The following SLC31A1 variants were observed in gnomAD, a reference collection of about 807,000 sequenced individuals.
SLC31A1 encodes high affinity copper uptake protein 1.
SLC31A1 carries 5 observed loss-of-function variants against 17.2 expected under a neutral mutation model. The observed-to-expected ratio is 0.29, with a 90% CI of 0.15 to 0.61. The LOEUF is 0.61. SLC31A1 is among the 20% of genes least tolerant of loss of function. The pLI is 0.86. For missense variants in SLC31A1, 161 were observed against 241.4 expected, an observed-to-expected ratio of 0.67 and a Z score of 2.21; for synonymous variants, 76 against 78.8, an observed-to-expected ratio of 0.96 and a Z score of 0.19.
At chr9:113,257,984 A>G (rs1266110956) in intron 3 of SLC31A1, among the ~76,000 whole-genome samples, 1 of 152,250 alleles carries the variant, frequency 6.6e-6, no homozygotes, top group Non-Finnish European at 1.5e-5. Context: ...CAGACCTTCT[A>G]GAGCTACCTA....
chr9:113,224,787 C>CTAGAAA (rs1300679091), intron 1 of SLC31A1, among the ~76,000 whole-genome samples: 1 of 152,226 alleles, frequency 6.6e-6, no homozygotes, highest in Non-Finnish European at 1.5e-5. Context: ...TTAGAAATAA[C>CTAGAAA]TACTAGAGAG....
intron 1 of SLC31A1, among the ~76,000 whole-genome samples, chr9:113,224,984 G>T (rs1379597442): frequency 2.0e-5 from 3 of 152,204 alleles, no homozygotes; most frequent in Admixed American, 1.3e-4. Flanking sequence ...TTAGAACAGT[G>T]CCTGGCAGGT....
chr9:113,260,084 G>A (rs1283840403), intron 4 of SLC31A1, among the ~76,000 whole-genome samples, 188 bp from the exon 5 acceptor site: 1 of 152,146 alleles, frequency 6.6e-6, no homozygotes, highest in African/African-American at 2.4e-5. Flanking sequence ...TCTGGCCAAT[G>A]TTTATAAGCC....
intron 1 of SLC31A1, among the ~76,000 whole-genome samples, chr9:113,235,056 G>A (rs1018757587): frequency 1.3e-5 from 2 of 152,170 alleles, no homozygotes; most frequent in Admixed American, 6.5e-5. Context: ...GAAAAGGGAA[G>A]CCACAGACTG....
intron 1 of SLC31A1, among the ~76,000 whole-genome samples, chr9:113,253,144 C>T (rs371671047): frequency 2.0e-4 from 31 of 151,942 alleles, no homozygotes; most frequent in South Asian, 6.2e-4. Context: ...TTAGTAGAGA[C>T]GGGGTTTCAC....
chr9:113,245,897 G>GA (rs1831572694), intron 1 of SLC31A1, among the ~76,000 whole-genome samples: 1 of 151,848 alleles, frequency 6.6e-6, no homozygotes, highest in South Asian at 2.1e-4. Context: ...GCCTCCCAAA[G>GA]GGTTAGGATT....
Position 113,258,655 on chromosome 9 carries a change from AT to A in SLC31A1, c.203-38del, listed in dbSNP as rs760116114. The A allele has an allele frequency of 1.1e-5, 18 of 1,611,416 alleles. No homozygotes were observed. The South Asian group carries it at 1.5e-4, about 14-fold the overall frequency. ...AGCACATTGGCTAATGATTTTGCAC[AT>A]GTTTGACAGTACCTCCATATTTTCC... On this transcript the variant is annotated intron_variant, in intron 3 of 4. Coordinates refer to ENST00000374212, the MANE Select transcript of SLC31A1 (RefSeq NM_001859.4). The surrounding 1 kb of genome is among the most constrained non-coding windows in gnomAD (Gnocchi z 4.8).
Position 113,260,272 on chromosome 9 carries a change from G to T in SLC31A1, c.372G>T (p.Gly124=). The T allele has an allele frequency of 6.2e-7, 1 of 1,613,612 alleles. No individual in the cohort carries two copies. Among genetic ancestry groups the T allele is most frequent in the Non-Finnish European group, 8.5e-7 (1 of 1,179,646 alleles). ...TGTTGTGTCCCTGTTTACTCTCCAG[G>T]CAACAGATGCTGAGCTTTCCTCACC... ...TILMETHKTV[G]QQMLSFPHLL... Residue 124 remains glycine (G), a splice_region_variant and synonymous_variant, in exon 5 of 5, where the codon GGG becomes GGT. Transcript: ENST00000374212.
intron 1 of SLC31A1, among the ~76,000 whole-genome samples, chr9:113,245,133 G>A (rs566366232): frequency 3.3e-5 from 5 of 152,270 alleles, no homozygotes; most frequent in African/African-American, 1.2e-4. Context: ...CCTCAAGAAA[G>A]ACATAGGCAA....
intron 1 of SLC31A1, among the ~76,000 whole-genome samples, chr9:113,222,951 A>G (rs182691082): frequency 3.8e-3 from 581 of 152,338 alleles, no homozygotes; most frequent in Non-Finnish European, 4.8e-3. Flanking sequence ...CCCCTGGCTT[A>G]CATTATCTAT....
intron 1 of SLC31A1, among the ~76,000 whole-genome samples, chr9:113,222,537 T>C (rs1265333549): frequency 5.3e-5 from 8 of 152,222 alleles, no homozygotes; most frequent in Non-Finnish European, 1.0e-4. Flanking sequence ...GTCCACAGAC[T>C]CACTGGAGTT....
intron 1 of SLC31A1, among the ~76,000 whole-genome samples, chr9:113,224,981 A>G (rs1404434690): frequency 6.6e-6 from 1 of 152,240 alleles, no homozygotes; most frequent in African/African-American, 2.4e-5. Flanking sequence ...CATTTAGAAC[A>G]GTGCCTGGCA....
At chr9:113,234,480 A>ATTTTTTTTTTT (rs869088669) in intron 1 of SLC31A1, among the ~76,000 whole-genome samples, 1 of 60,248 alleles carries the variant, frequency 1.7e-5, no homozygotes, top group Admixed American at 2.1e-4. Flanking sequence ...CCTGGCCATC[A>ATTTTTTTTTTT]TTTTTTTTTT....
intron 1 of SLC31A1, among the ~76,000 whole-genome samples, chr9:113,229,294 G>T (rs978217478): frequency 2.9e-4 from 44 of 152,258 alleles, no homozygotes; most frequent in African/African-American, 1.0e-3. Flanking sequence ...TGCCTCCCAG[G>T]CTCAACCAAC....
chr9:113,253,571 T>TC (rs1564217546), intron 1 of SLC31A1, among the ~76,000 whole-genome samples: 2 of 147,288 alleles, frequency 1.4e-5, no homozygotes, highest in African/African-American at 2.6e-5. Context: ...TTTTTTTTTT[T>TC]TGAAATGGAG....
At chr9:113,227,053 G>A (rs1186602932) in intron 1 of SLC31A1, among the ~76,000 whole-genome samples, 1 of 152,002 alleles carries the variant, frequency 6.6e-6, no homozygotes, top group East Asian at 1.9e-4. Flanking sequence ...TATGGTTAGA[G>A]TTTCATCATG....
intron 1 of SLC31A1, 76 bp from the exon 2 acceptor site, chr9:113,256,038 C>T (rs1831723213): frequency 6.3e-6 from 7 of 1,118,244 alleles, no homozygotes; most frequent in Non-Finnish European, 8.9e-6. Flanking sequence ...TAGCAAGATT[C>T]CATCTCTAAA....
rs1831723795 is a variant in SLC31A1, at chr9:113,256,097, A to T, written c.-35-17A>T. 8 of 1,568,122 alleles carry T rather than the reference A, an allele frequency of 5.1e-6. No individual in the cohort carries two copies. In the African/African-American group the frequency reaches 9.5e-5, roughly 19 times the overall value. On this transcript the variant is annotated splice_polypyrimidine_tract_variant and intron_variant, in intron 1 of 4. Coordinates refer to ENST00000374212, the MANE Select transcript of SLC31A1 (RefSeq NM_001859.4). Reference sequence around the variant, plus strand: ...TTATATCCTTAAATTATTATATATAATTCTTTCTCTTAAAAGAATCTTCTG... The same window carrying T: ...TTATATCCTTAAATTATTATATATATTTCTTTCTCTTAAAAGAATCTTCTG...
At position 113,260,883 on chromosome 9, in the gene SLC31A1, AAGGGGTTAACTTCAGCC is replaced by A; in HGVS notation, c.*414_*430del. 3.2e-6 allele frequency: 1 copy of A among 313,696 alleles called. No homozygotes were observed. The highest frequency in any genetic ancestry group is 6.2e-6 in the Non-Finnish European group (1 of 160,920). The allele number at this position is 313,696 out of a possible 1,614,324, so 19.4% of individuals were successfully genotyped here. A position where few individuals can be genotyped will look rare whatever the true frequency, so the allele number is the denominator to read the frequency against. ...TTTTTTCCCCTGGGTCAGTGATGGAAAGGGGTTAACTTCAGCCAGGATTGATGGCAGCTGAGGGAAAT... is the reference window on the plus strand; with the variant it reads ...TTTTTTCCCCTGGGTCAGTGATGGAAAGGATTGATGGCAGCTGAGGGAAAT... On this transcript the variant is annotated 3_prime_UTR_variant, in exon 5 of 5. Transcript: ENST00000374212.
Sources: allele counts gnomAD v4.1 joint callset (sites outside exome capture counted in the v4.1 genomes callset), GRCh38; gene constraint gnomAD v4.1.1; non-coding constraint Gnocchi (gnomAD v3.1); transcripts MANE v1.5; gene names NCBI Gene and HGNC (gene_info 2026-07-23, HGNC 2026-07-21).